GFRAL: variants seen among roughly 807,000 people sequenced by gnomAD.
GFRAL encodes the protein GDNF family receptor alpha like.
GFRAL carries 36 observed loss-of-function variants against 45.4 expected under a neutral mutation model. The ratio of observed to expected loss-of-function variants is 0.79; its 90% CI spans 0.61 to 1.05. The LOEUF is 1.05. Among genes scored for constraint, GFRAL ranks in the 50% least tolerant of loss-of-function variants. The pLI is 0.00. For synonymous variants in GFRAL, 166 were observed against 154.1 expected, an observed-to-expected ratio of 1.08 and a Z score of -0.57; for missense variants, 507 against 467.5, an observed-to-expected ratio of 1.08 and a Z score of -0.78.
intron 5 of GFRAL, among the ~76,000 whole-genome samples, chr6:55,357,230 A>T (rs1228633010): frequency 6.6e-6 from 1 of 151,790 alleles, no homozygotes; most frequent in African/African-American, 2.4e-5. Context: ...GCAGATTAAG[A>T]CTGATGTTTC....
At chr6:55,377,777 GA>G (rs1263537891) in intron 6 of GFRAL, among the ~76,000 whole-genome samples, 4 of 151,958 alleles carry the variant, frequency 2.6e-5, no homozygotes, top group Non-Finnish European at 5.9e-5. Context: ...GATAGATACT[GA>G]AAGATCCAAA....
chr6:55,340,190 A>T (rs1040848739), intron 3 of GFRAL, among the ~76,000 whole-genome samples: 3 of 152,166 alleles, frequency 2.0e-5, no homozygotes, highest in African/African-American at 7.2e-5. Flanking sequence ...AAATCTTACC[A>T]TTCCTTCTAT....
At chr6:55,345,314 C>T (rs1177170968) in intron 3 of GFRAL, among the ~76,000 whole-genome samples, 4 of 152,140 alleles carry the variant, frequency 2.6e-5, no homozygotes, top group Non-Finnish European at 5.9e-5. Context: ...CAGTAGTAAC[C>T]AAAACAGCAT....
At chr6:55,379,683 ACTCT>A (rs1272862673) in intron 6 of GFRAL, among the ~76,000 whole-genome samples, 1 of 151,424 alleles carries the variant, frequency 6.6e-6, no homozygotes, top group East Asian at 1.9e-4. Context: ...CTTTGCATTC[ACTCT>A]CTCAGCATTT....
At chr6:55,328,543 G>T (rs1346367395) in intron 1 of GFRAL, among the ~76,000 whole-genome samples, 1 of 151,734 alleles carries the variant, frequency 6.6e-6, no homozygotes, top group Non-Finnish European at 1.5e-5. Context: ...TTTTTCCATT[G>T]TTCCATAATT....
intron 6 of GFRAL, among the ~76,000 whole-genome samples, chr6:55,383,651 T>A (rs1046662463): frequency 6.6e-6 from 1 of 152,046 alleles, no homozygotes; most frequent in Non-Finnish European, 1.5e-5. Context: ...AATCTCCTAA[T>A]GATGCATTTC....
In GFRAL at chr6:55,359,160, ATCTG is replaced by A. The variant is rs747433027; in HGVS notation, c.952+26_952+29del. 1.5e-5 allele frequency: 22 copies of A among 1,469,120 alleles called. 1 individual carries two copies. Among genetic ancestry groups the A allele is most frequent in the Admixed American group, 1.1e-4 (6 of 55,958 alleles). The allele number at this position is 1,469,120 out of a possible 1,614,324, so 91.0% of individuals were successfully genotyped here. ...TTCAGTAAGTTCCCCAAATAAAATT[ATCTG>A]TCTATCTATCTATCTATCTATCATC... On this transcript the variant is annotated intron_variant, in intron 6 of 8. Transcript: ENST00000340465.
chr6:55,354,486 T>C (rs1306310192), intron 5 of GFRAL, among the ~76,000 whole-genome samples: 1 of 152,070 alleles, frequency 6.6e-6, no homozygotes, highest in Admixed American at 6.6e-5. Context: ...CTTAGATTAG[T>C]TCAAGTGTAA....
intron 6 of GFRAL, among the ~76,000 whole-genome samples, chr6:55,369,729 T>C (rs963224913): frequency 2.0e-5 from 3 of 152,226 alleles, no homozygotes; most frequent in Non-Finnish European, 2.9e-5. Context: ...TACATTTTAA[T>C]GAGAAAGTTT....
chr6:55,333,718 C>G, intron 2 of GFRAL, 68 bp from the exon 3 acceptor site: 1 of 1,000,542 alleles, frequency 1.0e-6, no homozygotes, highest in Non-Finnish European at 1.4e-6. Context: ...GTTAAAAGTA[C>G]TTTGGGGAGG....
At chr6:55,342,853 C>CA (rs1233701277) in intron 3 of GFRAL, among the ~76,000 whole-genome samples, 1 of 151,274 alleles carries the variant, frequency 6.6e-6, no homozygotes, top group African/African-American at 2.4e-5. Flanking sequence ...AAATGGAAAA[C>CA]AAAAAAAGGC....
rs183636227 is a variant in GFRAL at position 55,333,928 on chromosome 6, A to T, written c.300A>T (p.Lys100Asn). Residue 100 changes from lysine (K) to asparagine (N), a missense_variant, in exon 3 of 9, where the codon AAA becomes AAT. Transcript: ENST00000340465. ...YCTVNKLLGK[K>N]CINKSDNVKE... ...CTGTGAACAAACTGCTTGGAAAAAA[A>T]TGTATCAATAAATCAGGTAATATTT... 8 of 1,541,594 alleles carry T rather than the reference A, an allele frequency of 5.2e-6. No homozygotes were observed. The Admixed American group carries it at 1.6e-4, about 31-fold the overall frequency.
At chr6:55,341,481 A>G (rs1767964648) in intron 3 of GFRAL, among the ~76,000 whole-genome samples, 1 of 152,190 alleles carries the variant, frequency 6.6e-6, no homozygotes, top group African/African-American at 2.4e-5. Flanking sequence ...TAGAAGGAAA[A>G]CTAACAAACA....
intron 8 of GFRAL, among the ~76,000 whole-genome samples, chr6:55,401,525 A>T (rs1546296): frequency 1.3e-5 from 2 of 152,004 alleles, no homozygotes; most frequent in African/African-American, 4.8e-5. Context: ...GAGCCTTCAA[A>T]GAAGTTTGCA....
chr6:55,345,937 A>G (rs987112275), intron 3 of GFRAL, among the ~76,000 whole-genome samples: 1 of 152,258 alleles, frequency 6.6e-6, no homozygotes, highest in Non-Finnish European at 1.5e-5. Context: ...GACACATGAA[A>G]AAATGCTCAC....
chr6:55,339,592 T>C lies in GFRAL; in HGVS notation c.316+5648T>C, dbSNP rs1055239809. Among the ~76,000 whole-genome samples the C allele has an allele frequency of 2.3e-4, 35 of 152,092 alleles. 1 individual carries two copies. Among genetic ancestry groups the C allele is most frequent in the Non-Finnish European group, 8.8e-5 (6 of 68,022 alleles). On this transcript the variant is annotated intron_variant, in intron 3 of 8. Coordinates refer to ENST00000340465, the MANE Select transcript of GFRAL (RefSeq NM_207410.2). Reference sequence around the variant, plus strand: ...AAGTTTTTTAAATAGGAAAAGAAACTACAGAGAGTGGAATTTTTGAAGCCA... The same window carrying C: ...AAGTTTTTTAAATAGGAAAAGAAACCACAGAGAGTGGAATTTTTGAAGCCA...
At chr6:55,397,809 T>G (rs908293435) in intron 6 of GFRAL, among the ~76,000 whole-genome samples, 4 of 152,240 alleles carry the variant, frequency 2.6e-5, no homozygotes, top group East Asian at 1.9e-4. Flanking sequence ...AATAAAGTCA[T>G]GTACCTCGTA....
intron 6 of GFRAL, among the ~76,000 whole-genome samples, chr6:55,390,886 T>A (rs946504733): frequency 3.9e-5 from 2 of 50,760 alleles, no homozygotes; most frequent in African/African-American, 1.9e-4. Flanking sequence ...AGACTCCATC[T>A]CACACACATA....
In GFRAL at chr6:55,333,792, G is replaced by A; in HGVS notation, c.164G>A (p.Gly55Asp). The A allele has an allele frequency of 6.3e-7, 1 of 1,589,188 alleles. No individual in the cohort carries two copies. Among genetic ancestry groups the A allele is most frequent in the South Asian group, 1.2e-5 (1 of 86,626 alleles). The stretch of plus-strand genomic sequence containing the variant: ...TTATGTGTTTGATTGTGAGATCCAG[G>A]TGACCCCTGCAAGATGAGGAATTCA... ...MEDACNDSDP[G>D]DPCKMRNSSY... Residue 55 changes from glycine (G) to aspartate (D), a missense_variant, in exon 3 of 9, where the codon GGT becomes GAT. Coordinates refer to ENST00000340465, the MANE Select transcript of GFRAL (RefSeq NM_207410.2).
Sources: gnomAD v4.1 joint callset for allele counts (sites outside exome capture counted in the v4.1 genomes callset) on GRCh38, gnomAD v4.1.1 for gene constraint, MANE v1.5 for transcripts, NCBI Gene and HGNC (gene_info 2026-07-23, HGNC 2026-07-21) for gene names.